Variants in AREL1 observed in about 807,000 individuals in gnomAD.
AREL1 encodes apoptosis resistant E3 ubiquitin protein ligase 1, also known as apoptosis-resistant E3 ubiquitin protein ligase 1.
AREL1 carries 62 observed loss-of-function variants against 99.0 expected under a neutral mutation model. The observed-to-expected ratio is 0.63, with a 90% confidence interval of 0.51 to 0.77. AREL1 has a LOEUF of 0.77. AREL1 is among the 30% of genes least tolerant of loss of function. The pLI is 0.00. For synonymous variants in AREL1, 380 were observed against 376.5 expected (o/e 1.01, Z -0.11); for missense variants, 879 against 1,027.6 (o/e 0.86, Z 1.98).
chr14:74,695,554 A>G (rs2089967533), intron 1 of AREL1, among the ~76,000 whole-genome samples: 1 of 151,968 alleles, frequency 6.6e-6, no homozygotes, highest in Non-Finnish European at 1.5e-5. Context: ...AACTCAACTC[A>G]AGCACTCCCC....
At chr14:74,708,020 G>T (rs79591500) in intron 1 of AREL1, among the ~76,000 whole-genome samples, 1 of 151,638 alleles carries the variant, frequency 6.6e-6, no homozygotes, top group South Asian at 2.1e-4. Flanking sequence ...TCTAGATTCA[G>T]TTTGGGTATA....
At chr14:74,675,978 A>C in intron 7 of AREL1, 32 bp from the exon 8 acceptor site, 1 of 1,542,834 alleles carries the variant, frequency 6.5e-7, no homozygotes, top group South Asian at 1.3e-5. Flanking sequence ...GGTTTAAAGT[A>C]GAAGTCAGAG....
At chr14:74,690,231 C>T (rs1162912615) in intron 2 of AREL1, among the ~76,000 whole-genome samples, 1 of 138,052 alleles carries the variant, frequency 7.2e-6, no homozygotes, top group East Asian at 2.2e-4. Flanking sequence ...CTGCACTGCA[C>T]TCCAACTGCA....
At chr14:74,666,348 T>G (rs1381569843) in intron 17 of AREL1, among the ~76,000 whole-genome samples, 1 of 152,218 alleles carries the variant, frequency 6.6e-6, no homozygotes, top group African/African-American at 2.4e-5. Context: ...CCACAACAAA[T>G]TGATGTTATT....
At position 74,667,522 on chromosome 14, in the gene AREL1, G is replaced by A. The variant is rs1432768407; in HGVS notation, c.1987C>T (p.Leu663=). 6.2e-7 allele frequency: 1 copy of A among 1,613,836 alleles called. No individual in the cohort carries two copies. Among genetic ancestry groups the A allele is most frequent in the Middle Eastern group, 1.7e-4 (1 of 6,060 alleles). The change falls in exon 16 of 20, where the codon CTG becomes TTG. Residue 663 remains leucine (L), a synonymous_variant. Transcript: ENST00000356357. ...NANKIFYLNL[L]AQYRLASQVK... Reference sequence around the variant, plus strand: ...TGACTGGCCAGCCGATATTGGGCCAGCAAATTTAAATAGAAGATTTTATTC... The same window carrying A: ...TGACTGGCCAGCCGATATTGGGCCAACAAATTTAAATAGAAGATTTTATTC...
chr14:74,698,509 A>G (rs1259409948), intron 1 of AREL1, among the ~76,000 whole-genome samples: 2 of 152,192 alleles, frequency 1.3e-5, no homozygotes, highest in Non-Finnish European at 2.9e-5. Context: ...TTTCTTGAGC[A>G]TTTGCTATAT....
At chr14:74,693,231 T>G (rs1290787583) in intron 1 of AREL1, among the ~76,000 whole-genome samples, 6 of 152,170 alleles carry the variant, frequency 3.9e-5, no homozygotes, top group Admixed American at 3.9e-4. Flanking sequence ...AAGCCCAATC[T>G]ATCAGCCTAT....
intron 13 of AREL1, 50 bp from the exon 14 acceptor site, chr14:74,670,176 A>C (rs767056134): frequency 1.3e-6 from 2 of 1,518,568 alleles, no homozygotes; most frequent in Non-Finnish European, 1.8e-6. Context: ...CTTCAAGCCC[A>C]GTTCTGGAAG....
chr14:74,673,951 G>C, intron 9 of AREL1, 83 bp downstream of exon 9: 1 of 1,223,770 alleles, frequency 8.2e-7, no homozygotes, highest in Non-Finnish European at 1.2e-6. Context: ...AACACTAAAA[G>C]TGCTTCTGAG....
At chr14:74,685,326 G>A (rs562505416) in intron 3 of AREL1, among the ~76,000 whole-genome samples, 45 of 152,090 alleles carry the variant, frequency 3.0e-4, no homozygotes, top group Admixed American at 1.7e-3. Flanking sequence ...CTCCTTGACC[G>A]TTCCCCTTTA....
chr14:74,696,798 C>T (rs2089985816), intron 1 of AREL1, among the ~76,000 whole-genome samples: 1 of 152,062 alleles, frequency 6.6e-6, no homozygotes, highest in African/African-American at 2.4e-5. Flanking sequence ...AACCCCATCA[C>T]TACTAAAATA....
Position 74,669,655 on chromosome 14 carries a change from C to T in AREL1, c.1908G>A (p.Leu636=). The T allele has an allele frequency of 6.2e-7, 1 of 1,613,984 alleles. No individual in the cohort carries two copies. Among genetic ancestry groups the T allele is most frequent in the South Asian group, 1.1e-5 (1 of 91,054 alleles). The change falls in exon 15 of 20, where the codon TTG becomes TTA. Residue 636 remains leucine, a synonymous_variant. Coordinates refer to ENST00000356357, the MANE Select transcript of AREL1 (RefSeq NM_001039479.2). ...AEEKYNKSGQ[L]DKVVELMTGG... is the part of the protein sequence containing the mutation. ...GCTTTGTCCTCTTTCTCACCTTATC[C>T]AATTGACCTGATTTATTATATTTCT...
intron 5 of AREL1, among the ~76,000 whole-genome samples, chr14:74,677,006 A>G (rs191613524): frequency 0.013 from 1,910 of 151,856 alleles, 48 homozygotes; most frequent in African/African-American, 0.044. Flanking sequence ...TCACTGTGTT[A>G]GCCAGGATAG....
intron 7 of AREL1, 51 bp from the exon 8 acceptor site, chr14:74,675,997 AATTACCT>A (rs2089464072): frequency 1.3e-6 from 2 of 1,538,104 alleles, no homozygotes; most frequent in South Asian, 2.6e-5. Context: ...AGAAGAAAAA[AATTACCT>A]ATCACAGGCT....
chr14:74,669,907 G>A (rs559637466), intron 14 of AREL1, 40 bp downstream of exon 14: 1 of 1,583,462 alleles, frequency 6.3e-7, no homozygotes, highest in African/African-American at 1.4e-5. Context: ...AGGGTTAATG[G>A]CCAGGGGCCT....
chr14:74,702,196 G>GT (rs2090098070), intron 1 of AREL1, among the ~76,000 whole-genome samples: 1 of 152,216 alleles, frequency 6.6e-6, no homozygotes, highest in South Asian at 2.1e-4. Flanking sequence ...TGGGGACTCT[G>GT]TGTGGGAGCT....
chr14:74,671,139 C>T (rs951740322), intron 12 of AREL1, among the ~76,000 whole-genome samples: 2 of 151,990 alleles, frequency 1.3e-5, no homozygotes, highest in Non-Finnish European at 2.9e-5. Flanking sequence ...CTCAAGGTAA[C>T]CACGGTTCAA....
intron 1 of AREL1, among the ~76,000 whole-genome samples, chr14:74,708,965 T>G (rs2090233019): frequency 6.6e-6 from 1 of 152,206 alleles, no homozygotes; most frequent in South Asian, 2.1e-4. Context: ...CATGCGTGTG[T>G]GTACACACAC....
intron 1 of AREL1, among the ~76,000 whole-genome samples, chr14:74,703,322 C>T (rs1243964499): frequency 2.6e-5 from 4 of 152,138 alleles, no homozygotes; most frequent in African/African-American, 9.7e-5. Context: ...CTTATAAAAT[C>T]AACAGATATT....
Sources: gnomAD v4.1 joint callset for allele counts (sites outside exome capture counted in the v4.1 genomes callset) on GRCh38, gnomAD v4.1.1 for gene constraint, MANE v1.5 for transcripts, NCBI Gene and HGNC (gene_info 2026-07-23, HGNC 2026-07-21) for gene names.